Variants in RBFOX2 observed in about 807,000 individuals in gnomAD.
The protein encoded by RBFOX2 is RNA binding protein fox-1 homolog 2.
RBFOX2 carries 10 observed loss-of-function variants against 49.1 expected under a neutral mutation model. That is an observed-to-expected ratio of 0.20 (90% CI 0.13 to 0.35). The LOEUF (loss-of-function observed/expected upper bound fraction) is 0.35. RBFOX2 is among the 10% of genes least tolerant of loss of function. The probability of loss-of-function intolerance (pLI) is 1.00; values close to 1 mark genes in which losing one functional copy is unlikely to be tolerated. For missense variants in RBFOX2, 323 were observed against 486.9 expected (o/e 0.66, Z 3.17); for synonymous variants, 183 against 187.4 (o/e 0.98, Z 0.19).
intron 1 of RBFOX2, among the ~76,000 whole-genome samples, chr22:35,820,704 A>G: frequency 6.6e-6 from 1 of 152,348 alleles, no homozygotes; most frequent in Admixed American, 6.5e-5. Context: ...AGTATTTATT[A>G]AAGAAATAAA....
intron 11 of RBFOX2, 62 bp from the exon 14 acceptor site, chr22:35,744,311 G>GA (rs1931426784): frequency 6.9e-7 from 1 of 1,457,010 alleles, no homozygotes; most frequent in Non-Finnish European, 9.4e-7. Context: ...TAACAGTGAA[G>GA]AAAAATGTCC....
chr22:35,745,551 A>C (rs1410054374), intron 11 of RBFOX2, among the ~76,000 whole-genome samples: 2 of 152,228 alleles, frequency 1.3e-5, no homozygotes, highest in Non-Finnish European at 2.9e-5. Context: ...TACTGTGAAT[A>C]CTACAGCCTT....
chr22:36,014,967 G>A (rs2058977744), intron 1 of RBFOX2, among the ~76,000 whole-genome samples: 1 of 152,180 alleles, frequency 6.6e-6, no homozygotes, highest in Non-Finnish European at 1.5e-5. Context: ...GAGCTAAAAT[G>A]CTGCTGCAAA....
intron 1 of RBFOX2, among the ~76,000 whole-genome samples, chr22:35,829,126 T>C (rs528070128): frequency 3.6e-4 from 55 of 152,284 alleles, no homozygotes; most frequent in Non-Finnish European, 6.9e-4. Context: ...AGAAACGCAG[T>C]TGTGCTGTAG....
intron 1 of RBFOX2, among the ~76,000 whole-genome samples, chr22:35,909,784 T>C (rs1343795526): frequency 6.6e-6 from 1 of 152,200 alleles, no homozygotes; most frequent in East Asian, 1.9e-4. Context: ...GTTAATGTTT[T>C]TGTATTTTTA....
At chr22:35,838,069 A>G (rs1958009452) in intron 1 of RBFOX2, among the ~76,000 whole-genome samples, 1 of 152,192 alleles carries the variant, frequency 6.6e-6, no homozygotes, top group South Asian at 2.1e-4. Flanking sequence ...AATAATGAAA[A>G]GTCAAGTCAT....
chr22:35,768,557 T>C (rs949121865), intron 4 of RBFOX2, among the ~76,000 whole-genome samples: 1 of 152,084 alleles, frequency 6.6e-6, no homozygotes, highest in Non-Finnish European at 1.5e-5. Context: ...ATAATAATAA[T>C]AATTAACAGC....
intron 1 of RBFOX2, among the ~76,000 whole-genome samples, chr22:35,902,454 T>A (rs1021637645): frequency 1.3e-5 from 2 of 152,116 alleles, no homozygotes; most frequent in African/African-American, 4.8e-5. Flanking sequence ...AAAAATCACA[T>A]AACCAAGCTG....
chr22:35,825,841 C>T (rs1030794872), intron 1 of RBFOX2, among the ~76,000 whole-genome samples: 9 of 151,496 alleles, frequency 5.9e-5, no homozygotes, highest in Non-Finnish European at 1.3e-4. Context: ...ATTAGCTGAG[C>T]GTGGTGGCAG....
chr22:36,026,616 CCTT>C (rs1040889215), intron 1 of RBFOX2, among the ~76,000 whole-genome samples: 26 of 152,062 alleles, frequency 1.7e-4, no homozygotes, highest in African/African-American at 5.3e-4. Flanking sequence ...AGTCTTCCCT[CCTT>C]ATCATCCAAT....
chr22:35,961,658 A>C, exon 1 of RBFOX2: 2 of 1,303,960 alleles, frequency 1.5e-6, no homozygotes, highest in Non-Finnish European at 2.0e-6. Context: ...CCTTGCACAC[A>C]GCTACCATCT....
chr22:35,768,207 A>C, intron 5 of RBFOX2, 50 bp downstream of exon 6: 1 of 1,585,044 alleles, frequency 6.3e-7, no homozygotes, highest in East Asian at 2.2e-5. Flanking sequence ...CAACACGAAA[A>C]AAGAGAAATA....
At chr22:35,970,570 A>G (rs2056814834) in intron 1 of RBFOX2, among the ~76,000 whole-genome samples, 1 of 152,060 alleles carries the variant, frequency 6.6e-6, no homozygotes, top group South Asian at 2.1e-4. Context: ...CTGAGGTAGG[A>G]GGATTGCTTG....
chr22:35,765,560 CAG>C, intron 5 of RBFOX2, 77 bp from the exon 7 acceptor site: 1 of 773,436 alleles, frequency 1.3e-6, no homozygotes, highest in Non-Finnish European at 2.1e-6. Context: ...CATCCAATAA[CAG>C]AGTATTTAGT....
chr22:35,780,875 A>G (rs1945000377), intron 3 of RBFOX2, among the ~76,000 whole-genome samples: 1 of 152,204 alleles, frequency 6.6e-6, no homozygotes, highest in Non-Finnish European at 1.5e-5. Flanking sequence ...TGTATTCTCT[A>G]CATTGTGAAT....
At chr22:35,815,006 C>T (rs1488021745) in intron 1 of RBFOX2, among the ~76,000 whole-genome samples, 1 of 152,166 alleles carries the variant, frequency 6.6e-6, no homozygotes, top group Non-Finnish European at 1.5e-5. Flanking sequence ...TATGGACAGA[C>T]AACTATAGTA....
chr22:35,871,159 G>A (rs2044307438), intron 1 of RBFOX2, among the ~76,000 whole-genome samples: 1 of 152,180 alleles, frequency 6.6e-6, no homozygotes, highest in African/African-American at 2.4e-5. Context: ...ATTACCTGGG[G>A]AGAGACAGAT....
chr22:35,792,280 C>T (rs1234820427), intron 2 of RBFOX2, among the ~76,000 whole-genome samples: 4 of 128,166 alleles, frequency 3.1e-5, no homozygotes, highest in Admixed American at 9.6e-5. Context: ...TATGCCACTG[C>T]AGTCCAGCCT....
At chr22:35,994,268 TA>T (rs1330526917) in intron 1 of RBFOX2, 1 of 152,106 alleles carries the variant, frequency 6.6e-6, no homozygotes, top group African/African-American at 2.4e-5. Context: ...ATGTTGATTT[TA>T]AAACATACTC....
Sources: allele counts gnomAD v4.1 joint callset (sites outside exome capture counted in the v4.1 genomes callset), GRCh38; gene constraint gnomAD v4.1.1; transcripts MANE v1.5; gene names NCBI Gene and HGNC (gene_info 2026-07-23, HGNC 2026-07-21).